The following SPTLC3 variants were observed in gnomAD, a reference collection of about 807,000 sequenced individuals.
SPTLC3 encodes the protein serine palmitoyltransferase long chain base subunit 3, also known as serine palmitoyltransferase 3.
A neutral mutation model predicts 59.3 loss-of-function variants in SPTLC3; 36 were observed. That is an observed-to-expected ratio of 0.61 (90% CI 0.47 to 0.80). The LOEUF (loss-of-function observed/expected upper bound fraction) is 0.80. Ranked by LOEUF, SPTLC3 falls within the 30% of genes least tolerant of loss-of-function variation. The pLI is 0.00. For missense variants in SPTLC3, 625 were observed against 685.1 expected (o/e 0.91, Z 0.98); for synonymous variants, 257 against 240.8 (o/e 1.07, Z -0.62).
At chr20:13,035,593 G>A (rs1986698631) in intron 1 of SPTLC3, among the ~76,000 whole-genome samples, 1 of 152,078 alleles carries the variant, frequency 6.6e-6, no homozygotes, top group African/African-American at 2.4e-5. Context: ...CCAATAAACT[G>A]CTAACTGGTC....
intron 10 of SPTLC3, among the ~76,000 whole-genome samples, 182 bp from the exon 11 acceptor site, chr20:13,159,821 C>CTG (rs2038855849): frequency 6.6e-6 from 1 of 152,002 alleles, no homozygotes; most frequent in African/African-American, 2.4e-5. Flanking sequence ...GACTGACTGC[C>CTG]TGTTTATTTG....
intron 1 of SPTLC3, among the ~76,000 whole-genome samples, chr20:13,017,981 G>T (rs1186214481): frequency 2.0e-5 from 3 of 152,162 alleles, no homozygotes; most frequent in Non-Finnish European, 4.4e-5. Flanking sequence ...AGCCCAAGAA[G>T]TTCAAGGAGA....
Position 13,049,126 on chromosome 20 carries a change from A to C in SPTLC3, c.299A>C (p.Gln100Pro). 1.9e-6 allele frequency: 3 copies of C among 1,612,998 alleles called. No individual in the cohort carries two copies. Among genetic ancestry groups the C allele is most frequent in the Non-Finnish European group, 2.5e-6 (3 of 1,179,434 alleles). The part of the protein sequence containing the change: ...KCNAAVERKE[Q>P]KDFVPLYQDF... The stretch of plus-strand genomic sequence containing the variant: ...AACGCAGCTGTGGAAAGAAAAGAAC[A>C]AAAAGTACGTATGCGCACCTCCCTG... The change falls in exon 2 of 12, where the codon CAA (glutamine) becomes CCA (proline). Residue 100 changes from glutamine (Q) to proline (P), a missense_variant. Coordinates refer to ENST00000399002, the MANE Select transcript of SPTLC3 (RefSeq NM_018327.4).
At chr20:13,093,602 C>T in intron 6 of SPTLC3, 25 bp downstream of exon 6, 2 of 1,594,070 alleles carry the variant, frequency 1.3e-6, no homozygotes. Context: ...ATTTTCTCAA[C>T]ATGTACTGGA....
At chr20:13,129,149 G>A (rs1054681476) in intron 9 of SPTLC3, among the ~76,000 whole-genome samples, 3 of 152,044 alleles carry the variant, frequency 2.0e-5, no homozygotes, top group African/African-American at 2.4e-5. Context: ...TTACAGGCAC[G>A]AGCCACCACA....
intron 7 of SPTLC3, among the ~76,000 whole-genome samples, chr20:13,116,087 CCT>C (rs1990531912): frequency 6.6e-6 from 1 of 152,188 alleles, no homozygotes; most frequent in Non-Finnish European, 1.5e-5. Flanking sequence ...TCCAAAACTA[CCT>C]CGTGGAACAC....
At position 13,024,008 on chromosome 20, in the gene SPTLC3, A is replaced by G. The variant is rs149814759; in HGVS notation, c.117+14624A>G. Among the ~76,000 whole-genome samples the G allele has an allele frequency of 1.3e-4, 20 of 152,260 alleles. No homozygotes were observed. The East Asian group carries it at 3.5e-3, about 26-fold the overall frequency. ...GAAAGTAAATGCGATCTGTTTTCCT[A>G]TGAATGACCCATATATGAGACGACT... On this transcript the variant is annotated intron_variant, in intron 1 of 11. Coordinates refer to ENST00000399002, the MANE Select transcript of SPTLC3 (RefSeq NM_018327.4).
intron 2 of SPTLC3, among the ~76,000 whole-genome samples, chr20:13,062,393 C>A (rs1203044207): frequency 6.6e-6 from 1 of 152,162 alleles, no homozygotes; most frequent in African/African-American, 2.4e-5. Context: ...CATAGTCTCC[C>A]ACAGTGAATA....
At chr20:13,147,644 G>A (rs2038546638) in intron 9 of SPTLC3, among the ~76,000 whole-genome samples, 2 of 152,034 alleles carry the variant, frequency 1.3e-5, no homozygotes, top group Admixed American at 1.3e-4. Context: ...ATTTTCCCTG[G>A]GTTAATTTTT....
At chr20:13,079,056 T>C (rs1163653615) in intron 4 of SPTLC3, among the ~76,000 whole-genome samples, 1 of 152,166 alleles carries the variant, frequency 6.6e-6, no homozygotes, top group Non-Finnish European at 1.5e-5. Context: ...GGAATAAACT[T>C]ATTTTGAAGA....
intron 4 of SPTLC3, among the ~76,000 whole-genome samples, chr20:13,090,599 G>T (rs1200564462): frequency 6.6e-6 from 1 of 152,112 alleles, no homozygotes; most frequent in Non-Finnish European, 1.5e-5. Flanking sequence ...CAGCTCAATG[G>T]ATCTCCACAA....
chr20:13,139,465 C>A (rs774965500), intron 9 of SPTLC3, among the ~76,000 whole-genome samples: 55 of 152,186 alleles, frequency 3.6e-4, no homozygotes, highest in Non-Finnish European at 1.2e-4. Flanking sequence ...AAGAACCCAG[C>A]CTCCTTCCAT....
chr20:13,056,480 G>A (rs1272346866), intron 2 of SPTLC3, among the ~76,000 whole-genome samples: 15 of 135,480 alleles, frequency 1.1e-4, no homozygotes, highest in African/African-American at 4.0e-4. Context: ...TTGAGACGGA[G>A]TCTCACTCTG....
intron 8 of SPTLC3, among the ~76,000 whole-genome samples, chr20:13,118,962 T>C (rs1182110315): frequency 6.6e-6 from 1 of 152,248 alleles, no homozygotes; most frequent in Non-Finnish European, 1.5e-5. Flanking sequence ...GCTCAAAGCA[T>C]TGTTTTTCAT....
At chr20:13,152,905 A>T (rs927323446) in intron 9 of SPTLC3, among the ~76,000 whole-genome samples, 9 of 152,214 alleles carry the variant, frequency 5.9e-5, no homozygotes, top group African/African-American at 2.2e-4. Context: ...CCCTATTTCC[A>T]TCTGAAGAGT....
At chr20:13,029,675 G>A (rs1986332042) in intron 1 of SPTLC3, among the ~76,000 whole-genome samples, 1 of 152,160 alleles carries the variant, frequency 6.6e-6, no homozygotes, top group African/African-American at 2.4e-5. Flanking sequence ...AGGCTTTCAT[G>A]AAAAGTAAAA....
intron 1 of SPTLC3, among the ~76,000 whole-genome samples, chr20:13,018,859 A>G (rs1272135553): frequency 1.3e-5 from 2 of 152,208 alleles, no homozygotes; most frequent in Non-Finnish European, 2.9e-5. Context: ...CTAAGGTATT[A>G]CAATCTATAA....
At chr20:13,087,632 A>G (rs1321708007) in intron 4 of SPTLC3, among the ~76,000 whole-genome samples, 1 of 152,212 alleles carries the variant, frequency 6.6e-6, no homozygotes, top group Non-Finnish European at 1.5e-5. Flanking sequence ...TGTGGCAGAC[A>G]CTGTGGTTGC....
chr20:13,049,538 A>C (rs1207158107), intron 2 of SPTLC3: 1 of 158,760 alleles, frequency 6.3e-6, no homozygotes, highest in African/African-American at 2.4e-5. Flanking sequence ...AGGAAAGTGC[A>C]TTTGAGTGAA....
Sources: allele counts gnomAD v4.1 joint callset (sites outside exome capture counted in the v4.1 genomes callset), GRCh38; gene constraint gnomAD v4.1.1; transcripts MANE v1.5; gene names NCBI Gene and HGNC (gene_info 2026-07-23, HGNC 2026-07-21).